The following GRAMD1C variants were observed in gnomAD, a reference collection of about 807,000 sequenced individuals.
The protein encoded by GRAMD1C is GRAM domain containing 1C.
A neutral mutation model predicts 97.8 loss-of-function variants in GRAMD1C; 89 were observed. That is an observed-to-expected ratio of 0.91 (90% CI 0.77 to 1.09). The LOEUF (loss-of-function observed/expected upper bound fraction) is 1.09, where lower values mean the gene tolerates loss of function less well. GRAMD1C is among the 50% of genes least tolerant of loss of function. The pLI, the probability that GRAMD1C is intolerant of heterozygous loss-of-function variation, is 0.00. For synonymous variants in GRAMD1C, 256 were observed against 267.0 expected (o/e 0.96, Z 0.40); for missense variants, 740 against 766.4 (o/e 0.97, Z 0.41).
At chr3:113,922,779 A>T (rs1937106962) in intron 10 of GRAMD1C, among the ~76,000 whole-genome samples, 1 of 152,078 alleles carries the variant, frequency 6.6e-6, no homozygotes, top group Non-Finnish European at 1.5e-5. Context: ...GTTCTGTATG[A>T]ATTTTAGAAT....
chr3:113,925,685 G>A (rs898839451), intron 10 of GRAMD1C, among the ~76,000 whole-genome samples: 8 of 152,136 alleles, frequency 5.3e-5, no homozygotes, highest in African/African-American at 1.7e-4. Flanking sequence ...AATGGTCTAT[G>A]TACTTAAGTG....
intron 6 of GRAMD1C, among the ~76,000 whole-genome samples, chr3:113,892,248 G>A (rs1178785500): frequency 1.3e-5 from 2 of 152,090 alleles, no homozygotes; most frequent in African/African-American, 4.8e-5. Context: ...GAGGTGGGCT[G>A]ACCACCTGAG....
chr3:113,907,075 T>G (rs910868401), intron 8 of GRAMD1C, among the ~76,000 whole-genome samples: 1 of 152,218 alleles, frequency 6.6e-6, no homozygotes, highest in Non-Finnish European at 1.5e-5. Context: ...GATACATTTC[T>G]CATAATGTAT....
chr3:113,913,666 G>C (rs757824360), intron 9 of GRAMD1C, among the ~76,000 whole-genome samples: 14 of 152,098 alleles, frequency 9.2e-5, no homozygotes, highest in Non-Finnish European at 1.6e-4. Flanking sequence ...TTTATTTAAA[G>C]TGTATGGCGA....
At chr3:113,908,177 T>C (rs1376037079) in intron 8 of GRAMD1C, among the ~76,000 whole-genome samples, 1 of 152,166 alleles carries the variant, frequency 6.6e-6, no homozygotes, top group East Asian at 1.9e-4. Flanking sequence ...ATACAGAAAA[T>C]GCAAGAAAAT....
chr3:113,882,899 G>A, intron 6 of GRAMD1C, 67 bp downstream of exon 6: 1 of 716,480 alleles, frequency 1.4e-6, no homozygotes, highest in East Asian at 2.5e-5. Flanking sequence ...GAATTGAAGA[G>A]CTCCTTCTTA....
chr3:113,915,542 A>G (rs1052140205), intron 9 of GRAMD1C, among the ~76,000 whole-genome samples, 159 bp from the exon 10 acceptor site: 7 of 152,182 alleles, frequency 4.6e-5, no homozygotes, highest in Non-Finnish European at 2.9e-5. Flanking sequence ...TCCTATTTGG[A>G]GTTTTAATAG....
chr3:113,886,788 T>G (rs1472146621), intron 6 of GRAMD1C, among the ~76,000 whole-genome samples: 22 of 135,982 alleles, frequency 1.6e-4, no homozygotes, highest in African/African-American at 4.6e-4. Context: ...TTTTTTTTTT[T>G]TTTTTTTTTT....
chr3:113,923,117 T>C (rs980172662), intron 10 of GRAMD1C, among the ~76,000 whole-genome samples: 1 of 152,198 alleles, frequency 6.6e-6, no homozygotes, highest in Non-Finnish European at 1.5e-5. Context: ...TTTTTGTACA[T>C]TGATTTTTGT....
rs1938056144 is a variant in GRAMD1C at position 113,946,030 on chromosome 3, A to T, written c.*552A>T. 1 of 152,326 alleles carries T rather than the reference A, an allele frequency of 6.6e-6. No individual in the cohort carries two copies. The highest frequency in any genetic ancestry group is 1.5e-5 in the Non-Finnish European group (1 of 68,040). 9.4% of individuals were successfully genotyped at this position (152,326 alleles called of 1,614,324 possible). On this transcript the variant is annotated 3_prime_UTR_variant, in exon 18 of 18. Transcript: ENST00000358160. Reference sequence around the variant, plus strand: ...GCAAATTTAATAGTCAAACTTTTTGAATCTGCATGTTGATGATGATTATCA... The same window carrying T: ...GCAAATTTAATAGTCAAACTTTTTGTATCTGCATGTTGATGATGATTATCA...
intron 1 of GRAMD1C, among the ~76,000 whole-genome samples, chr3:113,829,935 G>A (rs1709536223): frequency 6.6e-6 from 1 of 152,110 alleles, no homozygotes; most frequent in South Asian, 2.1e-4. Flanking sequence ...CCAGGGTGAG[G>A]TTCAGAGCAG....
intron 6 of GRAMD1C, among the ~76,000 whole-genome samples, chr3:113,900,715 T>C (rs542854637): frequency 3.0e-4 from 46 of 152,074 alleles, no homozygotes; most frequent in African/African-American, 1.1e-3. Context: ...CGTGAGTCAC[T>C]GTGCCTGGCC....
At chr3:113,828,516 A>T (rs1303811874) in intron 1 of GRAMD1C, among the ~76,000 whole-genome samples, 2 of 152,202 alleles carry the variant, frequency 1.3e-5, no homozygotes, top group African/African-American at 4.8e-5. Flanking sequence ...AATGGGCCCA[A>T]GAAAAAGTGA....
chr3:113,944,776 A>C (rs777559999), intron 17 of GRAMD1C, among the ~76,000 whole-genome samples: 7 of 152,154 alleles, frequency 4.6e-5, no homozygotes, highest in Non-Finnish European at 8.8e-5. Context: ...CCAACATGTG[A>C]TAGGCAAGCA....
chr3:113,843,728 G>A (rs1933478738), intron 1 of GRAMD1C, among the ~76,000 whole-genome samples: 1 of 152,180 alleles, frequency 6.6e-6, no homozygotes, highest in African/African-American at 2.4e-5. Context: ...AAAGTGTTGG[G>A]ATTACAGGCG....
At chr3:113,850,119 T>C (rs1933829746) in intron 2 of GRAMD1C, 1 of 381,516 alleles carries the variant, frequency 2.6e-6, no homozygotes, top group South Asian at 2.1e-5. Context: ...TAATATTAAA[T>C]ATTCTTTTGT....
intron 1 of GRAMD1C, among the ~76,000 whole-genome samples, chr3:113,828,932 C>A (rs1709522974): frequency 1.3e-5 from 2 of 152,316 alleles, no homozygotes; most frequent in Middle Eastern, 3.4e-3. Flanking sequence ...CTCATCACTT[C>A]TATCACCAGC....
intron 8 of GRAMD1C, among the ~76,000 whole-genome samples, chr3:113,906,895 C>T (rs1936392255): frequency 6.6e-6 from 1 of 152,162 alleles, no homozygotes; most frequent in Admixed American, 6.5e-5. Flanking sequence ...TACACAAGTA[C>T]TTCCCACTGT....
intron 2 of GRAMD1C, among the ~76,000 whole-genome samples, chr3:113,860,461 A>G (rs1468072080): frequency 6.6e-6 from 1 of 152,226 alleles, no homozygotes; most frequent in African/African-American, 2.4e-5. Context: ...TACTTCTCAG[A>G]CTAATCTACA....
Sources: allele counts gnomAD v4.1 joint callset (sites outside exome capture counted in the v4.1 genomes callset), GRCh38; gene constraint gnomAD v4.1.1; transcripts MANE v1.5; gene names NCBI Gene and HGNC (gene_info 2026-07-23, HGNC 2026-07-21).